The following METTL24 variants were observed in gnomAD, a reference collection of about 807,000 sequenced individuals.
The protein encoded by METTL24 is probable methyltransferase-like protein 24.
METTL24 carries 29 observed loss-of-function variants against 32.7 expected under a neutral mutation model. That is an observed-to-expected ratio of 0.89 (90% confidence interval 0.66 to 1.21). The LOEUF (loss-of-function observed/expected upper bound fraction) is 1.21, where lower values mean the gene tolerates loss of function less well. METTL24 is among the 50% of genes most tolerant of loss of function. The pLI is 0.00. For missense variants in METTL24, 439 were observed against 468.1 expected (o/e 0.94, Z 0.57); for synonymous variants, 163 against 179.5 (o/e 0.91, Z 0.73).
intron 1 of METTL24, among the ~76,000 whole-genome samples, chr6:110,353,194 T>G (rs993229200): frequency 2.0e-5 from 3 of 152,226 alleles, no homozygotes; most frequent in Non-Finnish European, 4.4e-5. Context: ...GCTTATTCAA[T>G]TACCCTCAAT....
At chr6:110,355,186 A>G (rs1179654839) in intron 1 of METTL24, among the ~76,000 whole-genome samples, 2 of 152,166 alleles carry the variant, frequency 1.3e-5, no homozygotes, top group African/African-American at 4.8e-5. Context: ...TTGTCATTCC[A>G]AGTGGGGGAG....
chr6:110,338,300 C>A (rs994719103), intron 1 of METTL24, among the ~76,000 whole-genome samples: 1 of 152,136 alleles, frequency 6.6e-6, no homozygotes, highest in African/African-American at 2.4e-5. Flanking sequence ...AGTTTGAGAC[C>A]AACCTGGCCA....
At chr6:110,293,704 A>C (rs1427624063) in intron 4 of METTL24, among the ~76,000 whole-genome samples, 1 of 152,020 alleles carries the variant, frequency 6.6e-6, no homozygotes, top group East Asian at 1.9e-4. Context: ...AATTATAGAA[A>C]TAGAAAACAG....
intron 3 of METTL24, among the ~76,000 whole-genome samples, chr6:110,306,850 G>A (rs960669855): frequency 6.6e-6 from 1 of 152,154 alleles, no homozygotes; most frequent in Admixed American, 6.5e-5. Flanking sequence ...CAGAGCACGT[G>A]CTCTCTATAT....
chr6:110,331,727 A>G (rs1439560649), intron 1 of METTL24, among the ~76,000 whole-genome samples: 11 of 152,024 alleles, frequency 7.2e-5, no homozygotes, highest in Non-Finnish European at 1.3e-4. Flanking sequence ...TGGAAAATAT[A>G]GCCTAAAGAT....
At chr6:110,314,820 G>A (rs745489119) in intron 3 of METTL24, among the ~76,000 whole-genome samples, 1 of 151,968 alleles carries the variant, frequency 6.6e-6, no homozygotes, top group Admixed American at 6.6e-5. Context: ...AAAATTAGCC[G>A]GGTGTGGTGG....
At chr6:110,321,284 T>C (rs761627156) in intron 2 of METTL24, among the ~76,000 whole-genome samples, 1 of 152,148 alleles carries the variant, frequency 6.6e-6, no homozygotes, top group East Asian at 1.9e-4. Flanking sequence ...TCTCAGCCCA[T>C]AGTTTCTGGG....
At chr6:110,279,015 CAA>C (rs1188505849) in intron 4 of METTL24, among the ~76,000 whole-genome samples, 3 of 148,706 alleles carry the variant, frequency 2.0e-5, no homozygotes, top group Non-Finnish European at 4.4e-5. Flanking sequence ...TGATGTTCCA[CAA>C]AGAGTATGGT....
intron 2 of METTL24, among the ~76,000 whole-genome samples, chr6:110,319,226 C>T (rs890358225): frequency 5.3e-5 from 8 of 151,876 alleles, no homozygotes; most frequent in Non-Finnish European, 1.5e-5. Flanking sequence ...TTGAAAGACT[C>T]GAGGGCAGAA....
chr6:110,282,422 A>G (rs1346403133), intron 4 of METTL24, among the ~76,000 whole-genome samples: 2 of 152,134 alleles, frequency 1.3e-5, no homozygotes, highest in Non-Finnish European at 2.9e-5. Flanking sequence ...CCACTGTACT[A>G]GTTTTTTTAT....
At chr6:110,287,447 C>T (rs1254159843) in intron 4 of METTL24, among the ~76,000 whole-genome samples, 5 of 152,148 alleles carry the variant, frequency 3.3e-5, no homozygotes, top group African/African-American at 7.2e-5. Context: ...CAATTCTGCA[C>T]GATGAAATTG....
At chr6:110,255,699 T>C (rs528880673) in intron 4 of METTL24, among the ~76,000 whole-genome samples, 2 of 152,324 alleles carry the variant, frequency 1.3e-5, no homozygotes, top group South Asian at 4.1e-4. Context: ...TATTTGCAAG[T>C]GTTCCAAAGT....
At chr6:110,356,068 C>A (rs771762322) in intron 1 of METTL24, among the ~76,000 whole-genome samples, 2 of 151,818 alleles carry the variant, frequency 1.3e-5, no homozygotes, top group Non-Finnish European at 2.9e-5. Flanking sequence ...AAAAGGAAAA[C>A]TGCAGGGAGG....
rs146797398 is a variant in METTL24 at position 110,276,712 on chromosome 6, G to A, written c.786+22210C>T. On this transcript the variant is annotated intron_variant, in intron 4 of 4. Coordinates refer to ENST00000338882, the MANE Select transcript of METTL24 (RefSeq NM_001123364.3). The stretch of plus-strand genomic sequence containing the variant: ...CTCCCCCCATTTCTGAAAGGTTGCC[G>A]ACACCTGGCCCTTCTGCAGGGATTT... Among the ~76,000 whole-genome samples, 18 of 152,202 alleles carry A rather than the reference G, an allele frequency of 1.2e-4. No homozygotes were observed. The East Asian group carries it at 2.9e-3, about 25-fold the overall frequency.
At chr6:110,253,673 G>T (rs1778325997) in intron 4 of METTL24, among the ~76,000 whole-genome samples, 1 of 152,072 alleles carries the variant, frequency 6.6e-6, no homozygotes, top group South Asian at 2.1e-4. Flanking sequence ...GTTTACTTCT[G>T]AACTCCCAAA....
chr6:110,333,371 T>C (rs1429563665), intron 1 of METTL24, among the ~76,000 whole-genome samples: 1 of 152,200 alleles, frequency 6.6e-6, no homozygotes, highest in Non-Finnish European at 1.5e-5. Context: ...CCTTGAAATT[T>C]TGTCTGTCGA....
intron 1 of METTL24, among the ~76,000 whole-genome samples, chr6:110,338,120 A>G (rs1209330401): frequency 6.6e-6 from 1 of 152,246 alleles, no homozygotes; most frequent in African/African-American, 2.4e-5. Flanking sequence ...AAGCAGGGAA[A>G]TTCACTAACT....
intron 4 of METTL24, 127 bp downstream of exon 4, chr6:110,298,795 T>C (rs1771466574): frequency 4.1e-6 from 3 of 738,214 alleles, no homozygotes; most frequent in Non-Finnish European, 6.7e-6. Flanking sequence ...TAATGTTGGG[T>C]GATTAGTAAG....
chr6:110,246,089 G>A lies in METTL24; in HGVS notation c.958C>T (p.Leu320Phe). ...TCCTTTTGTTCTAACTCTTTGAGAA[G>A]GCTGTACCAGAACCGCACAACGCTG... ...DSSVVRFWYS[L>F]LKELEQKDFR... is the part of the protein sequence containing the mutation. The change falls in exon 5 of 5, where the codon CTT becomes TTT. Residue 320 changes from leucine to phenylalanine, a missense_variant. By Grantham distance (22) the Leu-to-Phe change is conservative (BLOSUM62 0). Transcript: ENST00000338882. 1 of 1,614,182 alleles carries A rather than the reference G, an allele frequency of 6.2e-7. No individual in the cohort carries two copies. The highest frequency in any genetic ancestry group is 8.5e-7 in the Non-Finnish European group (1 of 1,180,036).
Sources: allele counts gnomAD v4.1 joint callset (sites outside exome capture counted in the v4.1 genomes callset), GRCh38; gene constraint gnomAD v4.1.1; transcripts MANE v1.5; gene names NCBI Gene and HGNC (gene_info 2026-07-23, HGNC 2026-07-21).